The following PTPRM variants were observed in gnomAD, a reference collection of about 807,000 sequenced individuals.
The protein encoded by PTPRM is protein tyrosine phosphatase receptor type M.
A neutral mutation model predicts 186.7 loss-of-function variants in PTPRM; 47 were observed. That is an observed-to-expected ratio of 0.25 (90% confidence interval 0.20 to 0.32). The LOEUF (loss-of-function observed/expected upper bound fraction) is 0.32. Ranked by LOEUF, PTPRM falls within the 10% of genes least tolerant of loss-of-function variation. PTPRM has a pLI of 1.00. For synonymous variants in PTPRM, 668 were observed against 674.9 expected, an observed-to-expected ratio of 0.99 and a Z score of 0.16; for missense variants, 1,494 against 1,865.0, an observed-to-expected ratio of 0.80 and a Z score of 3.66.
intron 1 of PTPRM, among the ~76,000 whole-genome samples, chr18:7,609,840 G>A (rs2143837570): frequency 6.6e-6 from 1 of 152,274 alleles, no homozygotes; most frequent in East Asian, 1.9e-4. Flanking sequence ...GGTTTAGGAG[G>A]AACTGGCCTC....
chr18:7,931,036 A>G (rs1035928829), intron 5 of PTPRM, among the ~76,000 whole-genome samples: 2 of 152,084 alleles, frequency 1.3e-5, no homozygotes, highest in African/African-American at 4.8e-5. Context: ...AATACTTTAA[A>G]AAATTTTCCA....
At chr18:7,689,409 A>G (rs1201892756) in intron 1 of PTPRM, among the ~76,000 whole-genome samples, 1 of 152,116 alleles carries the variant, frequency 6.6e-6, no homozygotes, top group East Asian at 1.9e-4. Flanking sequence ...CCCTCGGCCC[A>G]CCCCATGTCT....
chr18:7,689,110 A>G (rs981001586), intron 1 of PTPRM, among the ~76,000 whole-genome samples: 1 of 151,844 alleles, frequency 6.6e-6, no homozygotes, highest in African/African-American at 2.4e-5. Flanking sequence ...GAGGATAGGT[A>G]TGTAGGTAAT....
At chr18:8,392,018 C>T (rs537835965) in intron 31 of PTPRM, among the ~76,000 whole-genome samples, 31 of 152,238 alleles carry the variant, frequency 2.0e-4, no homozygotes, top group Middle Eastern at 6.8e-3. Context: ...GGATGTGGGA[C>T]TCTCTACAGG....
chr18:7,997,258 G>A (rs116679529), intron 7 of PTPRM, among the ~76,000 whole-genome samples: 259 of 152,162 alleles, frequency 1.7e-3, no homozygotes, highest in African/African-American at 6.0e-3. Flanking sequence ...ACTCGTTTTT[G>A]ATAAAGGCTT....
intron 14 of PTPRM, among the ~76,000 whole-genome samples, chr18:8,196,565 G>GTAGAGAGAT (rs1205985705): frequency 6.6e-6 from 1 of 152,222 alleles, no homozygotes; most frequent in African/African-American, 2.4e-5. Flanking sequence ...CTAGTGCCCA[G>GTAGAGAGAT]TAGAGAGATT....
intron 7 of PTPRM, among the ~76,000 whole-genome samples, chr18:7,973,209 A>T (rs2054688704): frequency 6.6e-6 from 1 of 152,118 alleles, no homozygotes; most frequent in Admixed American, 6.6e-5. Flanking sequence ...AAATATATAT[A>T]GTATACAATT....
chr18:7,930,568 C>T (rs1295424154), intron 5 of PTPRM, among the ~76,000 whole-genome samples: 1 of 152,106 alleles, frequency 6.6e-6, no homozygotes, highest in African/African-American at 2.4e-5. Context: ...ACTTTTATTT[C>T]ACCTTTAAGT....
At chr18:8,253,170 G>A (rs1027489020) in intron 18 of PTPRM, 57 bp from the exon 19 acceptor site, 1 of 1,292,636 alleles carries the variant, frequency 7.7e-7, no homozygotes, top group Non-Finnish European at 1.0e-6. Context: ...CATTCTCAGT[G>A]ATGCCGACCT....
At chr18:8,252,051 T>G (rs970281397) in intron 17 of PTPRM, among the ~76,000 whole-genome samples, 3 of 152,228 alleles carry the variant, frequency 2.0e-5, no homozygotes, top group Non-Finnish European at 2.9e-5. Context: ...TTTTAATAGG[T>G]ACCATTTCTG....
At chr18:7,988,280 G>T (rs1397546140) in intron 7 of PTPRM, among the ~76,000 whole-genome samples, 4 of 151,942 alleles carry the variant, frequency 2.6e-5, no homozygotes, top group Admixed American at 6.6e-5. Flanking sequence ...TACTTTCAAT[G>T]ATCTGAAGTT....
chr18:8,011,161 G>C (rs1264909115), intron 7 of PTPRM, among the ~76,000 whole-genome samples: 1 of 152,202 alleles, frequency 6.6e-6, no homozygotes, highest in Middle Eastern at 3.2e-3. Flanking sequence ...CTGAAGAGCA[G>C]CAAAGGATTT....
At chr18:8,304,686 A>G (rs2095200348) in intron 20 of PTPRM, among the ~76,000 whole-genome samples, 1 of 152,194 alleles carries the variant, frequency 6.6e-6, no homozygotes, top group African/African-American at 2.4e-5. Flanking sequence ...TACACATTAA[A>G]GAAACTTTGT....
At chr18:8,240,498 A>AGGAAGGAAGGAAGG (rs1426297030) in intron 14 of PTPRM, among the ~76,000 whole-genome samples, 1 of 22,344 alleles carries the variant, frequency 4.5e-5, no homozygotes, top group Non-Finnish European at 7.6e-5. Context: ...AGAGAGAGAG[A>AGGAAGGAAGGAAGG]GAGGAAGGAA....
intron 1 of PTPRM, among the ~76,000 whole-genome samples, chr18:7,710,368 A>G (rs2040186611): frequency 1.3e-5 from 2 of 152,212 alleles, no homozygotes; most frequent in Admixed American, 1.3e-4. Flanking sequence ...AAAACCCTGC[A>G]TAAAACTGGT....
chr18:7,830,427 C>T (rs1047450791), intron 2 of PTPRM, among the ~76,000 whole-genome samples: 4 of 152,192 alleles, frequency 2.6e-5, no homozygotes, highest in Non-Finnish European at 5.9e-5. Flanking sequence ...TTAGTCAATT[C>T]CTTTGTGCAA....
At chr18:7,641,494 A>G (rs1464245385) in intron 1 of PTPRM, among the ~76,000 whole-genome samples, 2 of 152,226 alleles carry the variant, frequency 1.3e-5, no homozygotes, top group Non-Finnish European at 2.9e-5. Context: ...AAAAACACAC[A>G]TCTTCCAGAT....
At chr18:8,016,193 T>C (rs1361210544) in intron 7 of PTPRM, among the ~76,000 whole-genome samples, 1 of 152,230 alleles carries the variant, frequency 6.6e-6, no homozygotes, top group East Asian at 1.9e-4. Context: ...TTCTGAATAT[T>C]TGACATAAAC....
At chr18:7,713,483 T>C (rs1327218978) in intron 1 of PTPRM, among the ~76,000 whole-genome samples, 1 of 152,110 alleles carries the variant, frequency 6.6e-6, no homozygotes, top group Non-Finnish European at 1.5e-5. Context: ...ATAACACAGC[T>C]AGCATCATAA....
Sources: gnomAD v4.1 joint callset for allele counts (sites outside exome capture counted in the v4.1 genomes callset) on GRCh38, gnomAD v4.1.1 for gene constraint, MANE v1.5 for transcripts, NCBI Gene and HGNC (gene_info 2026-07-23, HGNC 2026-07-21) for gene names.